Variants in CACNA1E observed in about 807,000 individuals in gnomAD.
CACNA1E encodes the protein calcium voltage-gated channel subunit alpha1 E, also known as voltage-dependent R-type calcium channel subunit alpha-1E.
Under a neutral mutation model 259.2 loss-of-function variants are expected in CACNA1E, and 40 were observed. The observed-to-expected ratio is 0.15, with a 90% CI of 0.12 to 0.20. CACNA1E has a LOEUF of 0.20. CACNA1E is among the 10% of genes least tolerant of loss of function. CACNA1E has a pLI of 1.00. For missense variants in CACNA1E, 1,874 were observed against 3,040.1 expected (o/e 0.62, Z 9.02); for synonymous variants, 1,104 against 1,138.5 (o/e 0.97, Z 0.61).
intron 2 of CACNA1E, among the ~76,000 whole-genome samples, chr1:181,466,567 A>G (rs1046430194): frequency 6.6e-6 from 1 of 152,092 alleles, no homozygotes; most frequent in Non-Finnish European, 1.5e-5. Context: ...AAAAAATAAA[A>G]CAAAGCAAAG....
chr1:181,559,374 T>A (rs1327513179), intron 3 of CACNA1E, among the ~76,000 whole-genome samples: 2 of 152,198 alleles, frequency 1.3e-5, no homozygotes, highest in Non-Finnish European at 2.9e-5. Context: ...GTCCTGGAGA[T>A]AAAGACTGGG....
intron 2 of CACNA1E, among the ~76,000 whole-genome samples, chr1:181,465,693 C>CT (rs1330721230): frequency 1.3e-5 from 2 of 152,036 alleles, no homozygotes; most frequent in South Asian, 2.1e-4. Flanking sequence ...TTCAAATTAT[C>CT]TTTTTTTCAT....
chr1:181,466,969 G>A (rs1031926980), intron 2 of CACNA1E, among the ~76,000 whole-genome samples: 112 of 152,244 alleles, frequency 7.4e-4, no homozygotes, highest in South Asian at 2.1e-4. Context: ...TAAGAGTGCC[G>A]GACACAGCAC....
At chr1:181,627,384 T>C (rs1208400085) in intron 6 of CACNA1E, among the ~76,000 whole-genome samples, 1 of 152,140 alleles carries the variant, frequency 6.6e-6, no homozygotes, top group East Asian at 1.9e-4. Context: ...GAAGAGGAAA[T>C]GGTACCTGTA....
At chr1:181,559,855 G>A (rs1402885193) in intron 3 of CACNA1E, among the ~76,000 whole-genome samples, 2 of 152,144 alleles carry the variant, frequency 1.3e-5, no homozygotes, top group South Asian at 4.1e-4. Context: ...AAAAGTTGAG[G>A]AAACAGGAGA....
chr1:181,719,686 G>A, intron 12 of CACNA1E, 65 bp from the exon 13 acceptor site: 1 of 802,380 alleles, frequency 1.2e-6, no homozygotes. Context: ...GGTGTGCTGG[G>A]CGCTAGAATG....
intron 2 of CACNA1E, among the ~76,000 whole-genome samples, chr1:181,469,551 CA>C (rs947562063): frequency 6.6e-6 from 1 of 152,022 alleles, no homozygotes; most frequent in African/African-American, 2.4e-5. Context: ...ACAACAAAAA[CA>C]AAAACCAACA....
intron 1 of CACNA1E, among the ~76,000 whole-genome samples, chr1:181,388,710 G>A (rs1053052066): frequency 1.3e-5 from 2 of 152,140 alleles, no homozygotes; most frequent in African/African-American, 4.8e-5. Flanking sequence ...CCAACATGGA[G>A]AAACCCCGTC....
At chr1:181,665,916 T>A (rs1251621025) in intron 7 of CACNA1E, among the ~76,000 whole-genome samples, 2 of 152,146 alleles carry the variant, frequency 1.3e-5, no homozygotes, top group Non-Finnish European at 2.9e-5. Flanking sequence ...ATTCTTTAAC[T>A]TCTTTTCCTC....
At chr1:181,661,449 G>A (rs1008437834) in intron 7 of CACNA1E, among the ~76,000 whole-genome samples, 14 of 152,102 alleles carry the variant, frequency 9.2e-5, no homozygotes, top group African/African-American at 3.1e-4. Flanking sequence ...ATGTCTGAGT[G>A]GGTTTGGTGT....
chr1:181,723,550 C>T lies in CACNA1E; in HGVS notation c.2075-920C>T, dbSNP rs562144538. ...TTGGTGTCCTCTAATTCAATTCTGA[C>T]GCTATCTACCTGGAGATAGCATCAG... On this transcript the variant is annotated intron_variant, in intron 16 of 47. Transcript: ENST00000367573. 2.0e-4 allele frequency among the ~76,000 whole-genome samples: 30 copies of T among 152,278 alleles called. No individual in the cohort carries two copies. In the Middle Eastern group the frequency reaches 0.01, roughly 52 times the overall value.
intron 10 of CACNA1E, among the ~76,000 whole-genome samples, chr1:181,716,765 A>G (rs1458243953): frequency 6.6e-6 from 1 of 152,228 alleles, no homozygotes; most frequent in African/African-American, 2.4e-5. Flanking sequence ...TAGCAGAAGA[A>G]TTCCAGTGCT....
intron 34 of CACNA1E, 59 bp from the exon 35 acceptor site, chr1:181,766,487 T>G (rs1024641935): frequency 8.0e-7 from 1 of 1,246,462 alleles, no homozygotes; most frequent in African/African-American, 1.5e-5. Context: ...TGACTGCAGG[T>G]TGTTGAGCTT....
chr1:181,724,605 TC>T, intron 17 of CACNA1E, 68 bp downstream of exon 17: 1 of 1,303,290 alleles, frequency 7.7e-7, no homozygotes, highest in Non-Finnish European at 1.1e-6. Context: ...CCTTTGGAAC[TC>T]TCTCCCAAAG....
chr1:181,781,796 T>C lies in CACNA1E; in HGVS notation c.5364+273T>C, dbSNP rs561352. On this transcript the variant is annotated intron_variant, in intron 39 of 47. Transcript: ENST00000367573. ...TGTGGCTTCTTGTGAGTGAGTTACC[T>C]GACAAGCAGTGTTAAGTGGTGTGTT... Among the ~76,000 whole-genome samples the C allele has an allele frequency of 0.21, 31,901 of 152,124 alleles. 3,406 individuals carry two copies. Among genetic ancestry groups the C allele is most frequent in the South Asian group, 0.3 (1,461 of 4,820 alleles).
In CACNA1E at chr1:181,494,516, A is replaced by G. The variant is rs192725665; in HGVS notation, c.266+10506A>G. ...ATTTTATCTCCTTGCTTTTGCTCCA[A>G]TGTTTATCCTGCAGAGATCCTTTTC... On this transcript the variant is annotated intron_variant, in intron 1 of 47. Transcript: ENST00000367573. Among the ~76,000 whole-genome samples the G allele has an allele frequency of 9.5e-4, 145 of 152,270 alleles. 1 individual carries two copies. The highest frequency in any genetic ancestry group is 7.7e-3 in the South Asian group (37 of 4,824).
chr1:181,380,876 T>C (rs1038194391), intron 1 of CACNA1E, among the ~76,000 whole-genome samples: 13 of 152,358 alleles, frequency 8.5e-5, no homozygotes, highest in Admixed American at 3.3e-4. Flanking sequence ...TGAAAGTATA[T>C]GTCCATATAG....
chr1:181,404,379 C>A (rs902831996), intron 1 of CACNA1E, among the ~76,000 whole-genome samples: 1 of 152,224 alleles, frequency 6.6e-6, no homozygotes, highest in Non-Finnish European at 1.5e-5. Context: ...GAATTGCCAA[C>A]ATCGTGCTCA....
At chr1:181,748,130 T>A (rs1558340924) in intron 25 of CACNA1E, among the ~76,000 whole-genome samples, 1 of 148,276 alleles carries the variant, frequency 6.7e-6, no homozygotes, top group Non-Finnish European at 1.5e-5. Flanking sequence ...ACTAATTTTA[T>A]TTTTTTTTAT....
Sources: allele counts gnomAD v4.1 joint callset (sites outside exome capture counted in the v4.1 genomes callset), GRCh38; gene constraint gnomAD v4.1.1; transcripts MANE v1.5; gene names NCBI Gene and HGNC (gene_info 2026-07-23, HGNC 2026-07-21).